Variants in ZNF521 observed in about 807,000 individuals in gnomAD.
ZNF521 encodes the protein LYST-interacting protein 3.
In ZNF521, 14 loss-of-function variants were observed where a neutral mutation model predicts 105.5. The observed-to-expected ratio is 0.13, with a 90% CI of 0.09 to 0.21. The LOEUF is 0.21. Among genes scored for constraint, ZNF521 ranks in the 10% least tolerant of loss-of-function variants. The pLI, the probability that ZNF521 is intolerant of heterozygous loss-of-function variation, is 1.00. For synonymous variants in ZNF521, 635 were observed against 606.0 expected, an observed-to-expected ratio of 1.05 and a Z score of -0.70; for missense variants, 1,233 against 1,629.7, an observed-to-expected ratio of 0.76 and a Z score of 4.19.
intron 2 of ZNF521, among the ~76,000 whole-genome samples, chr18:25,350,285 C>T (rs1471705717): frequency 6.6e-6 from 1 of 151,916 alleles, no homozygotes; most frequent in African/African-American, 2.4e-5. Flanking sequence ...CTGGGAATGG[C>T]CAAGAGGGGT....
At chr18:25,343,058 G>C (rs149876455) in intron 2 of ZNF521, among the ~76,000 whole-genome samples, 2 of 152,324 alleles carry the variant, frequency 1.3e-5, no homozygotes, top group African/African-American at 4.8e-5. Context: ...TGTGTGGACT[G>C]TTCACCTCAC....
chr18:25,312,628 A>T (rs1392828586), intron 3 of ZNF521, among the ~76,000 whole-genome samples: 1 of 58,856 alleles, frequency 1.7e-5, no homozygotes, highest in Non-Finnish European at 3.7e-5. Context: ...CTGGCTAACA[A>T]GGTGAAACCC....
rs116794698 is a variant in ZNF521, at chr18:25,348,770, T to C, written c.40+2137A>G. ...CGATAAAAGAATAAAATGTCCTCTT[T>C]ACTCATTCTTCACTTGCCATTTTTT... is the stretch of plus-strand genomic sequence containing the variant. On this transcript the variant is annotated intron_variant, in intron 2 of 7. Coordinates refer to ENST00000361524, the MANE Select transcript of ZNF521 (RefSeq NM_015461.3). Among the ~76,000 whole-genome samples the C allele has an allele frequency of 8.2e-3, 1,242 of 152,366 alleles. 18 individuals are homozygous for C. The highest frequency in any genetic ancestry group is 0.029 in the African/African-American group (1,190 of 41,582).
At chr18:25,108,022 C>T (rs1282798462) in intron 5 of ZNF521, among the ~76,000 whole-genome samples, 1 of 152,210 alleles carries the variant, frequency 6.6e-6, no homozygotes, top group African/African-American at 2.4e-5. Context: ...GTGCCTTCTC[C>T]ATCTCTCTTA....
intron 5 of ZNF521, among the ~76,000 whole-genome samples, chr18:25,142,783 T>C (rs1230683358): frequency 2.0e-5 from 3 of 152,044 alleles, no homozygotes; most frequent in Non-Finnish European, 4.4e-5. Flanking sequence ...CTAAGAAAGG[T>C]AGCAGAAGTA....
chr18:25,322,162 C>T lies in ZNF521; in HGVS notation c.66G>A (p.Lys22=), dbSNP rs757268902. 7 of 1,614,176 alleles carry T rather than the reference C, an allele frequency of 4.3e-6. No individual in the cohort carries two copies. In the Admixed American group the frequency reaches 1.2e-4, roughly 27 times the overall value. ...LKDPNCKLED[K]TEDGEALDCK... ...AATCTAGTGCCTCTCCATCTTCAGTCTTGTCTTCAAGTTTACAGTTGGGGT... is the reference window on the plus strand; with the variant it reads ...AATCTAGTGCCTCTCCATCTTCAGTTTTGTCTTCAAGTTTACAGTTGGGGT... Residue 22 remains lysine, a synonymous_variant, in exon 3 of 8, where the codon AAG becomes AAA. Transcript: ENST00000361524.
At chr18:25,312,668 G>A (rs557712960) in intron 3 of ZNF521, among the ~76,000 whole-genome samples, 11 of 103,604 alleles carry the variant, frequency 1.1e-4, no homozygotes, top group South Asian at 5.3e-4. Context: ...AAAATTAGCC[G>A]GGCGCGGTGG....
At chr18:25,341,667 G>T (rs1052075029) in intron 2 of ZNF521, among the ~76,000 whole-genome samples, 1 of 152,074 alleles carries the variant, frequency 6.6e-6, no homozygotes, top group South Asian at 2.1e-4. Context: ...TCAAACTTTC[G>T]GTGCCAAAAA....
chr18:25,128,531 G>A (rs1229244620), intron 5 of ZNF521, among the ~76,000 whole-genome samples: 3 of 151,952 alleles, frequency 2.0e-5, no homozygotes, highest in East Asian at 1.9e-4. Context: ...TACAGAATAC[G>A]TGATTGCCTA....
chr18:25,250,160 C>T (rs1266489882), intron 3 of ZNF521, among the ~76,000 whole-genome samples: 1 of 152,116 alleles, frequency 6.6e-6, no homozygotes, highest in African/African-American at 2.4e-5. Context: ...AGGATGGTCT[C>T]GATCTCCTGA....
chr18:25,072,370 A>G (rs1306441009), intron 7 of ZNF521, among the ~76,000 whole-genome samples: 6 of 152,206 alleles, frequency 3.9e-5, no homozygotes, highest in Admixed American at 1.3e-4. Flanking sequence ...TACGTGGGAA[A>G]TGTTAACATC....
At chr18:25,189,528 T>C (rs1251886441) in intron 5 of ZNF521, among the ~76,000 whole-genome samples, 1 of 152,212 alleles carries the variant, frequency 6.6e-6, no homozygotes, top group Non-Finnish European at 1.5e-5. Flanking sequence ...GTTCTCAAAC[T>C]GAGGCCTACC....
chr18:25,275,199 A>G (rs1375830923), intron 3 of ZNF521, among the ~76,000 whole-genome samples: 1 of 152,232 alleles, frequency 6.6e-6, no homozygotes, highest in Non-Finnish European at 1.5e-5. Context: ...CAAAAATATG[A>G]CAGGCATTTG....
intron 5 of ZNF521, among the ~76,000 whole-genome samples, chr18:25,148,131 G>C (rs1020050237): frequency 6.6e-6 from 1 of 152,158 alleles, no homozygotes; most frequent in African/African-American, 2.4e-5. Flanking sequence ...TGGAGAAGGG[G>C]ACAGCTGGGT....
chr18:25,119,133 T>C (rs1332344047), intron 5 of ZNF521, among the ~76,000 whole-genome samples: 1 of 152,010 alleles, frequency 6.6e-6, no homozygotes, highest in African/African-American at 2.4e-5. Context: ...CAGAATATAA[T>C]GAAAAAAAGA....
Position 25,225,458 on chromosome 18 carries a change from C to A in ZNF521, c.2460G>T (p.Ala820=), listed in dbSNP as rs199692978. ...NCKFCSKAFH[A]IILLEKHLRE... is the part of the protein sequence containing the mutation. Reference sequence around the variant, plus strand: ...GCAAGTGTTTTTCTAACAAAATGATCGCATGGAAGGCTTTGCTACAGAACT... The same window carrying A: ...GCAAGTGTTTTTCTAACAAAATGATAGCATGGAAGGCTTTGCTACAGAACT... Residue 820 remains alanine, a synonymous_variant, in exon 4 of 8, where the codon GCG becomes GCT. Transcript: ENST00000361524. The surrounding 1 kb of genome is among the most constrained non-coding windows in gnomAD (Gnocchi z 5.6). The A allele has an allele frequency of 1.8e-5, 29 of 1,614,050 alleles. No homozygotes were observed. Among genetic ancestry groups the A allele is most frequent in the Non-Finnish European group, 1.7e-6 (2 of 1,180,038 alleles).
In ZNF521 at chr18:25,350,001, C is replaced by T. The variant is rs1291826643; in HGVS notation, c.40+906G>A. Among the ~76,000 whole-genome samples the T allele has an allele frequency of 5.9e-5, 9 of 151,820 alleles. No individual in the cohort carries two copies. In the East Asian group the frequency reaches 1.7e-3, roughly 30 times the overall value. ...CCCCTCGGCCGCCCGCCCCCGATTT[C>T]CTCGGAAGGAGGCTCGCGAAGGTGG... On this transcript the variant is annotated intron_variant, in intron 2 of 7. Coordinates refer to ENST00000361524, the MANE Select transcript of ZNF521 (RefSeq NM_015461.3).
chr18:25,179,752 C>G (rs1202976243), intron 5 of ZNF521, among the ~76,000 whole-genome samples: 1 of 152,176 alleles, frequency 6.6e-6, no homozygotes, highest in Non-Finnish European at 1.5e-5. Flanking sequence ...TCTCCCTAAG[C>G]TGTTGGAAAC....
In ZNF521 at chr18:25,132,267, T is replaced by G. The variant is rs1280308223; in HGVS notation, c.3659-40186A>C. On this transcript the variant is annotated intron_variant, in intron 5 of 7. Coordinates refer to ENST00000361524, the MANE Select transcript of ZNF521 (RefSeq NM_015461.3). ...AAGAATCCTACATTTCCACCTACTG[T>G]ATCTTCTAAGCAGACTAGTGTTTTA... Among the ~76,000 whole-genome samples the G allele has an allele frequency of 4.6e-5, 7 of 152,306 alleles. 1 individual carries two copies. Among genetic ancestry groups the G allele is most frequent in the African/African-American group, 1.7e-4 (7 of 41,576 alleles).
Sources: allele counts gnomAD v4.1 joint callset (sites outside exome capture counted in the v4.1 genomes callset), GRCh38; gene constraint gnomAD v4.1.1; non-coding constraint Gnocchi (gnomAD v3.1); transcripts MANE v1.5; gene names NCBI Gene and HGNC (gene_info 2026-07-23, HGNC 2026-07-21).